The following FYB1 variants were observed in gnomAD, a reference collection of about 807,000 sequenced individuals.
The protein encoded by FYB1 is FYN binding protein 1, also known as FYN-binding protein 1.
A neutral mutation model predicts 94.1 loss-of-function variants in FYB1; 41 were observed. The observed-to-expected ratio is 0.44, with a 90% CI of 0.34 to 0.57. FYB1 has a LOEUF of 0.57. FYB1 is among the 20% of genes least tolerant of loss of function. FYB1 has a pLI of 0.02. For missense variants in FYB1, 1,050 were observed against 976.8 expected (o/e 1.07, Z -1.00); for synonymous variants, 367 against 353.2 (o/e 1.04, Z -0.44).
At chr5:39,110,331 T>C (rs369886721) in intron 17 of FYB1, 25 bp downstream of exon 17, 95 of 1,524,922 alleles carry the variant, frequency 6.2e-5, no homozygotes, top group Non-Finnish European at 8.5e-5. Flanking sequence ...TTCACAAGCA[T>C]AGTAGTAGAA....
rs1291023637 is a variant in FYB1 at position 39,105,429 on chromosome 5, T to G, written c.*2014A>C. ...AGGTATGTGTGTCTGTTTCTTGATGTGTAAACCAAAACTCTGAAATATTCT... is the reference window on the plus strand; with the variant it reads ...AGGTATGTGTGTCTGTTTCTTGATGGGTAAACCAAAACTCTGAAATATTCT... On this transcript the variant is annotated 3_prime_UTR_variant, in exon 19 of 19. Coordinates refer to ENST00000512982, the MANE Select transcript of FYB1 (RefSeq NM_001465.6). The G allele has an allele frequency of 6.6e-6, 1 of 152,198 alleles. No individual in the cohort carries two copies. The highest frequency in any genetic ancestry group is 1.5e-5 in the Non-Finnish European group (1 of 68,026). 9.4% of individuals were successfully genotyped at this position (152,198 alleles called of 1,614,324 possible). A position where few individuals can be genotyped will look rare whatever the true frequency, so the allele number is the denominator to read the frequency against.
At chr5:39,153,739 A>T (rs1053742110) in intron 2 of FYB1, 135 bp from the exon 3 acceptor site, 43 of 733,726 alleles carry the variant, frequency 5.9e-5, no homozygotes, top group Non-Finnish European at 8.9e-5. Flanking sequence ...TTTTCAATAA[A>T]GAGTATGTTT....
intron 16 of FYB1, among the ~76,000 whole-genome samples, chr5:39,116,342 A>G (rs1739567879): frequency 6.6e-6 from 1 of 152,194 alleles, no homozygotes; most frequent in African/African-American, 2.4e-5. Context: ...AAGCCATCTA[A>G]GAATTTAGGT....
At chr5:39,164,795 T>C (rs1415315450) in intron 2 of FYB1, among the ~76,000 whole-genome samples, 1 of 152,216 alleles carries the variant, frequency 6.6e-6, no homozygotes, top group African/African-American at 2.4e-5. Flanking sequence ...ATAAAGGAAA[T>C]TGCCTGACCA....
chr5:39,173,597 C>G (rs1471939854), intron 2 of FYB1, among the ~76,000 whole-genome samples: 1 of 152,120 alleles, frequency 6.6e-6, no homozygotes, highest in East Asian at 1.9e-4. Flanking sequence ...AAATCTTTAA[C>G]CCACTTGAGT....
intron 1 of FYB1, among the ~76,000 whole-genome samples, chr5:39,249,737 T>A (rs1319385057): frequency 6.6e-6 from 1 of 152,104 alleles, no homozygotes; most frequent in Admixed American, 6.5e-5. Context: ...ATAAAATGAC[T>A]CAGAAGGTGA....
At position 39,134,839 on chromosome 5, in the gene FYB1, A is replaced by G; in HGVS notation, c.1675+16T>C. 1 of 1,613,158 alleles carries G rather than the reference A, an allele frequency of 6.2e-7. No homozygotes were observed. Among genetic ancestry groups the G allele is most frequent in the East Asian group, 2.2e-5 (1 of 44,856 alleles). On this transcript the variant is annotated intron_variant, in intron 8 of 18. Coordinates refer to ENST00000512982, the MANE Select transcript of FYB1 (RefSeq NM_001465.6). ...CAAAGAAAATACTTCGAAGCCATAG[A>G]GAAATTTGCACTCACATGAACCCCT...
chr5:39,236,464 T>G (rs1024440083), intron 1 of FYB1, among the ~76,000 whole-genome samples: 1 of 152,168 alleles, frequency 6.6e-6, no homozygotes, highest in East Asian at 1.9e-4. Context: ...TAGTGTGATG[T>G]TGCACATGTG....
intron 1 of FYB1, among the ~76,000 whole-genome samples, chr5:39,267,140 G>A (rs1161571129): frequency 6.6e-6 from 1 of 152,164 alleles, no homozygotes; most frequent in Non-Finnish European, 1.5e-5. Flanking sequence ...AATTGTTAGA[G>A]GAATTTAATG....
chr5:39,212,850 T>A (rs1749537305), intron 1 of FYB1: 1 of 152,196 alleles, frequency 6.6e-6, no homozygotes, highest in Non-Finnish European at 1.5e-5. Context: ...TGCTCTGGGC[T>A]CTCACTTGTC....
intron 18 of FYB1, 52 bp downstream of exon 18, chr5:39,108,179 A>AGTC: frequency 6.9e-7 from 1 of 1,451,168 alleles, no homozygotes; most frequent in Non-Finnish European, 9.4e-7. Context: ...CATTTATAAA[A>AGTC]ACAGTAAATT....
chr5:39,244,941 G>A (rs946937407), intron 1 of FYB1, among the ~76,000 whole-genome samples: 7 of 152,138 alleles, frequency 4.6e-5, no homozygotes, highest in Non-Finnish European at 1.0e-4. Flanking sequence ...GGTGATTATA[G>A]TATTATCTGA....
intron 3 of FYB1, among the ~76,000 whole-genome samples, chr5:39,142,802 A>G (rs1348231471): frequency 6.6e-6 from 1 of 152,198 alleles, no homozygotes; most frequent in Non-Finnish European, 1.5e-5. Flanking sequence ...AATACTAGCT[A>G]CCAAATCCAC....
intron 2 of FYB1, among the ~76,000 whole-genome samples, chr5:39,195,336 G>A (rs1747736032): frequency 2.0e-5 from 3 of 152,178 alleles, no homozygotes; most frequent in Non-Finnish European, 4.4e-5. Context: ...ATATAAAACA[G>A]TTTTCAATAT....
intron 16 of FYB1, among the ~76,000 whole-genome samples, 174 bp downstream of exon 16, chr5:39,118,700 T>C (rs1314414066): frequency 6.6e-6 from 1 of 152,160 alleles, no homozygotes; most frequent in Non-Finnish European, 1.5e-5. Context: ...TAAAATACAT[T>C]GGTTTCAGCA....
chr5:39,118,021 T>C (rs1164338936), intron 16 of FYB1, among the ~76,000 whole-genome samples: 1 of 152,072 alleles, frequency 6.6e-6, no homozygotes, highest in Non-Finnish European at 1.5e-5. Context: ...TGCCTTAGCC[T>C]CCCAAGTAGC....
At chr5:39,146,590 A>C (rs979240634) in intron 3 of FYB1, among the ~76,000 whole-genome samples, 3 of 152,206 alleles carry the variant, frequency 2.0e-5, no homozygotes, top group Non-Finnish European at 1.5e-5. Flanking sequence ...AAGGATGTTA[A>C]ATCAAAAAGA....
chr5:39,166,905 C>T (rs1744787679), intron 2 of FYB1, among the ~76,000 whole-genome samples: 1 of 151,854 alleles, frequency 6.6e-6, no homozygotes, highest in Non-Finnish European at 1.5e-5. Context: ...TTCATTACTA[C>T]ACACGGTATC....
chr5:39,180,126 C>A (rs1026918958), intron 2 of FYB1, among the ~76,000 whole-genome samples: 2 of 152,192 alleles, frequency 1.3e-5, no homozygotes, highest in Non-Finnish European at 2.9e-5. Context: ...AGGTCTACAA[C>A]AATACCTAGC....
Sources: gnomAD v4.1 joint callset for allele counts (sites outside exome capture counted in the v4.1 genomes callset) on GRCh38, gnomAD v4.1.1 for gene constraint, MANE v1.5 for transcripts, NCBI Gene and HGNC (gene_info 2026-07-23, HGNC 2026-07-21) for gene names.